SPTBN5: variants seen among roughly 807,000 people sequenced by gnomAD.
SPTBN5 encodes the protein spectrin beta chain, non-erythrocytic 5.
A neutral mutation model predicts 477.6 loss-of-function variants in SPTBN5; 513 were observed. The observed-to-expected ratio is 1.07, with a 90% CI of 1.00 to 1.16. The LOEUF (loss-of-function observed/expected upper bound fraction) is 1.16, where lower values mean the gene tolerates loss of function less well. Among genes scored for constraint, SPTBN5 ranks in the 50% most tolerant of loss-of-function variants. SPTBN5 has a pLI of 0.00. For missense variants in SPTBN5, 5,062 were observed against 4,731.8 expected (o/e 1.07, Z -2.05); for synonymous variants, 2,169 against 2,011.7 (o/e 1.08, Z -2.09).
At chr15:41,849,996 C>A in intron 66 of SPTBN5, 37 bp from the exon 67 acceptor site, 1 of 1,523,470 alleles carries the variant, frequency 6.6e-7, no homozygotes, top group Non-Finnish European at 8.9e-7. Flanking sequence ...TAGCCCGGCC[C>A]AGACCATCTG....
At chr15:41,873,684 G>C in intron 25 of SPTBN5, 76 bp from the exon 26 acceptor site, 1 of 1,447,668 alleles carries the variant, frequency 6.9e-7, no homozygotes, top group Non-Finnish European at 9.4e-7. Context: ...ATCTGCCCCT[G>C]CTCTCCAGCA....
At chr15:41,893,099 G>A (rs2271285) in intron 2 of SPTBN5, 38 bp from the exon 3 acceptor site, 8 of 1,599,250 alleles carry the variant, frequency 5.0e-6, no homozygotes, top group Non-Finnish European at 6.0e-6. Flanking sequence ...GGTCAGCCCA[G>A]CCTCACCTGT....
chr15:41,856,870 G>A lies in SPTBN5; in HGVS notation c.8791C>T (p.Leu2931=), dbSNP rs1412521459. 8.4e-6 allele frequency: 13 copies of A among 1,548,036 alleles called. No homozygotes were observed. In the Admixed American group the frequency reaches 1.8e-4, roughly 21 times the overall value. ...GCCCACACCTGGTGCTGCTCCTGCA[G>A]GTGCCGCACCGCACTCAGGCTCTGG... The part of the protein sequence containing the change: ...YGQSLSAVRH[L]QEQHQNLESE... The change falls in exon 52 of 68, where the codon CTG becomes TTG. Residue 2931 remains leucine, a synonymous_variant. Transcript: ENST00000320955.
At chr15:41,859,050 G>A (rs2066014276) in intron 47 of SPTBN5, 70 bp from the exon 48 acceptor site, 1 of 1,240,796 alleles carries the variant, frequency 8.1e-7, no homozygotes, top group East Asian at 2.6e-5. Context: ...TCCAGCCTAG[G>A]CTTTCTCGGG....
At chr15:41,877,657 C>T (rs1016739294) in intron 17 of SPTBN5, among the ~76,000 whole-genome samples, 8 of 152,046 alleles carry the variant, frequency 5.3e-5, no homozygotes, top group African/African-American at 1.9e-4. Flanking sequence ...CTGCAAGCCC[C>T]CATGGAGGCT....
At position 41,858,746 on chromosome 15, in the gene SPTBN5, C is replaced by G. The variant is rs370332806; in HGVS notation, c.8082G>C (p.Val2694=). ...LQAFLQDSQE[V]AAWLREKNLV... ...GGTTCTTCTCCCTCAGCCACGCAGCCACCTGGGCACATGGGGAGGACAGGC... is the reference window on the plus strand; with the variant it reads ...GGTTCTTCTCCCTCAGCCACGCAGCGACCTGGGCACATGGGGAGGACAGGC... Residue 2694 remains valine, a splice_region_variant and synonymous_variant, in exon 49 of 68, where the codon GTG becomes GTC. Transcript: ENST00000320955. The G allele has an allele frequency of 3.0e-5, 48 of 1,609,110 alleles. No individual in the cohort carries two copies. In the African/African-American group the frequency reaches 4.9e-4, roughly 17 times the overall value.
chr15:41,882,829 A>T, intron 9 of SPTBN5, 91 bp from the exon 10 acceptor site: 1 of 1,477,032 alleles, frequency 6.8e-7, no homozygotes, highest in Non-Finnish European at 9.1e-7. Flanking sequence ...CCCCTTAGAC[A>T]GGATTTTTCT....
At position 41,882,002 on chromosome 15, in the gene SPTBN5, G is replaced by GA; in HGVS notation, c.2390dup (p.Ala798ArgfsTer42). 2.6e-6 allele frequency: 4 copies of GA among 1,537,086 alleles called. No individual in the cohort carries two copies. The highest frequency in any genetic ancestry group is 3.5e-6 in the Non-Finnish European group (4 of 1,151,166). On this transcript the variant is annotated frameshift_variant, in exon 12 of 68. Coordinates refer to ENST00000320955, the MANE Select transcript of SPTBN5 (RefSeq NM_016642.4). LOFTEE classifies it high-confidence loss of function. ...CCTCCAGCCGCCGCAGCTCGGCCGC[G>GA]AAGGCGCGCAGGACGCGCTCCAGCC...
In SPTBN5 at chr15:41,886,270, G is replaced by A; in HGVS notation, c.985C>T (p.Leu329=). 1 of 1,613,314 alleles carries A rather than the reference G, an allele frequency of 6.2e-7. No homozygotes were observed. Among genetic ancestry groups the A allele is most frequent in the East Asian group, 2.2e-5 (1 of 44,888 alleles). ...LRWIAEKQMQ[L]EARDFPDSLP... is the part of the protein sequence containing the mutation. ...GAGTCTGGAAAATCCCGCGCCTCCA[G>A]CTGCATCTGCTTCTCTGCAATCCAG... is the stretch of plus-strand genomic sequence containing the variant. The change falls in exon 7 of 68, where the codon CTG becomes TTG. Residue 329 remains leucine (L), a synonymous_variant. Transcript: ENST00000320955.
Position 41,885,876 on chromosome 15 carries a change from G to A in SPTBN5, c.1379C>T (p.Ala460Val). 1 of 1,581,886 alleles carries A rather than the reference G, an allele frequency of 6.3e-7. No individual in the cohort carries two copies. Among genetic ancestry groups the A allele is most frequent in the Non-Finnish European group, 8.6e-7 (1 of 1,164,122 alleles). The part of the protein sequence containing the change: ...DQARAPPASL[A>V]TVEAAVQRLG... ...CCTCTGGACGGCTGCCTCCACTGTG[G>A]CCAGGCTGGCTGGCGGGGCTCTGGC... The change falls in exon 7 of 68, where the codon GCC (alanine) becomes GTC (valine). Residue 460 changes from alanine (A) to valine (V), a missense_variant. Transcript: ENST00000320955.
chr15:41,887,412 C>A lies in SPTBN5; in HGVS notation c.689G>T (p.Arg230Leu). The change falls in exon 6 of 68, where the codon CGT becomes CTT. Residue 230 changes from arginine to leucine, a missense_variant. Physicochemically the swap from Arg to Leu is moderately radical, Grantham distance 102 (BLOSUM62 -2). Coordinates refer to ENST00000320955, the MANE Select transcript of SPTBN5 (RefSeq NM_016642.4). ...RPDLLDYGSLRPDRPLHNLAF... is the reference protein window; with the variant it reads ...RPDLLDYGSLLPDRPLHNLAF... ...AAGGTTGTGCAGTGGGCGGTCTGGA[C>A]GCAGGGAGCCGTAGTCCAACAGGTC... is the stretch of plus-strand genomic sequence containing the variant. 1 of 1,553,136 alleles carries A rather than the reference C, an allele frequency of 6.4e-7. No individual in the cohort carries two copies. The highest frequency in any genetic ancestry group is 8.7e-7 in the Non-Finnish European group (1 of 1,148,408).
At chr15:41,881,347 A>G in intron 12 of SPTBN5, 113 bp from the exon 13 acceptor site, 2 of 855,914 alleles carry the variant, frequency 2.3e-6, no homozygotes, top group Non-Finnish European at 3.6e-6. Context: ...GCTGTAGCTC[A>G]AAGGGTGTGT....
At position 41,868,125 on chromosome 15, in the gene SPTBN5, C is replaced by G; in HGVS notation, c.6151G>C (p.Glu2051Gln). 1.3e-6 allele frequency: 2 copies of G among 1,599,014 alleles called. No homozygotes were observed. The highest frequency in any genetic ancestry group is 3.4e-5 in the Admixed American group (2 of 58,246). The part of the protein sequence containing the change: ...KQERLQAEQQ[E>Q]QLFLRECGRL... The stretch of plus-strand genomic sequence containing the variant: ...CCGCACTCTCTGAGGAAGAGCTGCT[C>G]CTGCTGCTCGGCCTGCAGCCTCTCT... The change falls in exon 34 of 68, where the codon GAG becomes CAG. Residue 2051 changes from glutamate (E) to glutamine (Q), a missense_variant. Coordinates refer to ENST00000320955, the MANE Select transcript of SPTBN5 (RefSeq NM_016642.4).
chr15:41,884,926 C>T (rs907120228), intron 7 of SPTBN5, among the ~76,000 whole-genome samples: 4 of 152,218 alleles, frequency 2.6e-5, no homozygotes, highest in Non-Finnish European at 5.9e-5. Flanking sequence ...ATGGCCAGCT[C>T]GTCACTTCTT....
At chr15:41,854,653 A>G (rs2140914811) in intron 56 of SPTBN5, 129 bp downstream of exon 56, 2 of 759,436 alleles carry the variant, frequency 2.6e-6, no homozygotes, top group East Asian at 5.8e-5. Flanking sequence ...GGTGAGGGAA[A>G]AGGCACATTC....
In SPTBN5 at chr15:41,886,270, G is replaced by C; in HGVS notation, c.985C>G (p.Leu329Val). 3 of 1,613,314 alleles carry C rather than the reference G, an allele frequency of 1.9e-6. No homozygotes were observed. Among genetic ancestry groups the C allele is most frequent in the Non-Finnish European group, 2.5e-6 (3 of 1,179,898 alleles). ...GAGTCTGGAAAATCCCGCGCCTCCA[G>C]CTGCATCTGCTTCTCTGCAATCCAG... ...LRWIAEKQMQ[L>V]EARDFPDSLP... Residue 329 changes from leucine (L) to valine (V), a missense_variant, in exon 7 of 68, where the codon CTG becomes GTG. Transcript: ENST00000320955.
intron 24 of SPTBN5, 37 bp from the exon 25 acceptor site, chr15:41,874,082 C>T: frequency 1.3e-6 from 2 of 1,555,260 alleles, no homozygotes; most frequent in South Asian, 1.2e-5. Flanking sequence ...CTGCTCTTAA[C>T]CCAGGGGCGT....
chr15:41,874,536 G>A (rs1156409389), intron 23 of SPTBN5, 58 bp from the exon 24 acceptor site: 9 of 1,419,290 alleles, frequency 6.3e-6, no homozygotes, highest in Middle Eastern at 2.5e-4. Context: ...CAAGGCTCCT[G>A]GTTCTTTCCT....
chr15:41,857,564 C>T lies in SPTBN5; in HGVS notation c.8364+9G>A, dbSNP rs772211490. 2 of 1,607,586 alleles carry T rather than the reference C, an allele frequency of 1.2e-6. No homozygotes were observed. Among genetic ancestry groups the T allele is most frequent in the East Asian group, 2.2e-5 (1 of 44,716 alleles). On this transcript the variant is annotated intron_variant, in intron 50 of 67. Transcript: ENST00000320955. ...CCGGCCAGCCACCCCTCGGCCTGCA[C>T]AACCTCACCTCACAGGCCTTCTGGA... is the stretch of plus-strand genomic sequence containing the variant.
Sources: gnomAD v4.1 joint callset for allele counts (sites outside exome capture counted in the v4.1 genomes callset) on GRCh38, gnomAD v4.1.1 for gene constraint, MANE v1.5 for transcripts, NCBI Gene and HGNC (gene_info 2026-07-23, HGNC 2026-07-21) for gene names.